Variants in ERCC8 observed in about 807,000 individuals in gnomAD.
ERCC8 encodes DNA excision repair protein ERCC-8.
A neutral mutation model predicts 54.9 loss-of-function variants in ERCC8; 52 were observed. That is an observed-to-expected ratio of 0.95 (90% confidence interval 0.76 to 1.19). ERCC8 has a LOEUF of 1.19. Ranked by LOEUF, ERCC8 falls within the 50% of genes most tolerant of loss-of-function variation. The probability of loss-of-function intolerance (pLI) is 0.00; values close to 1 mark genes in which losing one functional copy is unlikely to be tolerated. For synonymous variants in ERCC8, 146 were observed against 157.2 expected, an observed-to-expected ratio of 0.93 and a Z score of 0.53; for missense variants, 514 against 466.1, an observed-to-expected ratio of 1.10 and a Z score of -0.95.
chr5:60,932,267 G>A (rs900056870), intron 1 of ERCC8: 4 of 152,092 alleles, frequency 2.6e-5, no homozygotes, highest in African/African-American at 4.8e-5. Context: ...GGCCTGAGAC[G>A]GCTACCCTTA....
intron 2 of ERCC8, among the ~76,000 whole-genome samples, chr5:60,925,402 C>T (rs1272863130): frequency 6.6e-6 from 1 of 152,190 alleles, no homozygotes; most frequent in Non-Finnish European, 1.5e-5. Context: ...CGCACTTTGA[C>T]TGGTTAGCTC....
chr5:60,935,935 T>A (rs937641105), intron 1 of ERCC8, among the ~76,000 whole-genome samples: 1 of 152,222 alleles, frequency 6.6e-6, no homozygotes, highest in African/African-American at 2.4e-5. Flanking sequence ...CTGGATTTGG[T>A]TAGCAAGTAT....
intron 4 of ERCC8, among the ~76,000 whole-genome samples, chr5:60,908,919 T>C (rs1749161938): frequency 6.6e-6 from 1 of 152,060 alleles, no homozygotes; most frequent in African/African-American, 2.4e-5. Context: ...ATCTTTTATG[T>C]GGGTGCAGGA....
In ERCC8 at chr5:60,898,536, C is replaced by A. The variant is rs1358157524; in HGVS notation, c.719-136G>T. 4 of 895,134 alleles carry A rather than the reference C, an allele frequency of 4.5e-6. No individual in the cohort carries two copies. The East Asian group carries it at 1.1e-4, about 24-fold the overall frequency. The allele number at this position is 895,134 out of a possible 1,614,324, so 55.4% of individuals were successfully genotyped here. On this transcript the variant is annotated intron_variant, in intron 8 of 11. Transcript: ENST00000676185. ...ATGTAAGTAGATTATACTTAACCAA[C>A]CCTTCAGATTATTTGAATAGGATAA...
intron 10 of ERCC8, among the ~76,000 whole-genome samples, chr5:60,889,575 A>G (rs1748488370): frequency 6.6e-6 from 1 of 152,220 alleles, no homozygotes; most frequent in African/African-American, 2.4e-5. Context: ...TGCTGGGATT[A>G]CAGGCATGAG....
chr5:60,937,847 G>T (rs1474993706), intron 1 of ERCC8, among the ~76,000 whole-genome samples: 1 of 152,076 alleles, frequency 6.6e-6, no homozygotes, highest in East Asian at 1.9e-4. Flanking sequence ...AGTTCTTATA[G>T]CAAAAGTTCA....
intron 9 of ERCC8, among the ~76,000 whole-genome samples, chr5:60,894,355 T>G (rs542827563): frequency 6.6e-6 from 1 of 152,310 alleles, no homozygotes; most frequent in Non-Finnish European, 1.5e-5. Context: ...CAGTATTATT[T>G]AGAATGGGGT....
chr5:60,944,568 C>A (rs2112556090), intron 1 of ERCC8, among the ~76,000 whole-genome samples: 1 of 152,300 alleles, frequency 6.6e-6, no homozygotes, highest in East Asian at 1.9e-4. Flanking sequence ...TAGGAATTCA[C>A]TAAATATGCA....
intron 11 of ERCC8, among the ~76,000 whole-genome samples, chr5:60,876,329 G>C (rs753211772): frequency 6.6e-6 from 1 of 152,086 alleles, no homozygotes; most frequent in Non-Finnish European, 1.5e-5. Context: ...GAATAGTGCC[G>C]CAATAAACAT....
At chr5:60,881,447 T>C (rs1232546398) in intron 11 of ERCC8, among the ~76,000 whole-genome samples, 3 of 152,216 alleles carry the variant, frequency 2.0e-5, no homozygotes, top group Admixed American at 2.0e-4. Context: ...GGCTATGCCG[T>C]GCCCCCAGAG....
intron 11 of ERCC8, among the ~76,000 whole-genome samples, chr5:60,886,892 G>T (rs1320606516): frequency 2.0e-5 from 3 of 151,962 alleles, no homozygotes; most frequent in African/African-American, 2.4e-5. Context: ...CAACAGAAAT[G>T]CCTCCAAGTA....
At chr5:60,940,303 C>G (rs1403011157) in intron 1 of ERCC8, among the ~76,000 whole-genome samples, 1 of 152,186 alleles carries the variant, frequency 6.6e-6, no homozygotes, top group Non-Finnish European at 1.5e-5. Flanking sequence ...CGCATAGTGG[C>G]CTGCAGAAGC....
intron 1 of ERCC8, among the ~76,000 whole-genome samples, chr5:60,933,261 C>G (rs1038609175): frequency 7.4e-6 from 1 of 134,638 alleles, no homozygotes; most frequent in African/African-American, 2.8e-5. Context: ...CTCTGTCACC[C>G]AGGCTGGAGT....
chr5:60,874,778 T>A (rs4647150), intron 11 of ERCC8, 95 bp from the exon 12 acceptor site: 3 of 1,009,630 alleles, frequency 3.0e-6, no homozygotes, highest in Non-Finnish European at 4.4e-6. Flanking sequence ...ATCAGATAAA[T>A]AGCAATTACA....
At chr5:60,928,410 A>G (rs1749813585) in intron 2 of ERCC8, among the ~76,000 whole-genome samples, 1 of 152,200 alleles carries the variant, frequency 6.6e-6, no homozygotes, top group South Asian at 2.1e-4. Flanking sequence ...AGCTAAGGCA[A>G]CTGATAATTC....
intron 6 of ERCC8, 151 bp downstream of exon 6, chr5:60,903,497 C>T: frequency 7.6e-7 from 1 of 1,309,868 alleles, no homozygotes; most frequent in Non-Finnish European, 1.0e-6. Flanking sequence ...AAGAATAATG[C>T]ACAGAAGGAT....
chr5:60,927,266 G>A (rs773586713), intron 2 of ERCC8, among the ~76,000 whole-genome samples: 6 of 152,102 alleles, frequency 3.9e-5, no homozygotes, highest in Non-Finnish European at 7.4e-5. Flanking sequence ...AGCTCTCATG[G>A]TGGATGGTAA....
rs1047536968 is a variant in ERCC8 at position 60,873,031 on chromosome 5, A to G, written c.*1584T>C. 2.6e-5 allele frequency among the ~76,000 whole-genome samples: 4 copies of G among 152,206 alleles called. No individual in the cohort carries two copies. The highest frequency in any genetic ancestry group is 7.2e-5 in the African/African-American group (3 of 41,458). ...CAGGAGCTAGGGTTGTTGGAGAAAC[A>G]TTGGTCAAAGGATACAAAATTTCAG... is the stretch of plus-strand genomic sequence containing the variant. On this transcript the variant is annotated 3_prime_UTR_variant, in exon 12 of 12. Transcript: ENST00000676185.
At chr5:60,910,318 A>T (rs934819459) in intron 4 of ERCC8, among the ~76,000 whole-genome samples, 1 of 152,176 alleles carries the variant, frequency 6.6e-6, no homozygotes, top group Non-Finnish European at 1.5e-5. Flanking sequence ...GATATCTGAT[A>T]GTGAAGTCTT....
Sources: allele counts gnomAD v4.1 joint callset (sites outside exome capture counted in the v4.1 genomes callset), GRCh38; gene constraint gnomAD v4.1.1; transcripts MANE v1.5; gene names NCBI Gene and HGNC (gene_info 2026-07-23, HGNC 2026-07-21).